The following ALK variants were observed in gnomAD, a reference collection of about 807,000 sequenced individuals.
ALK encodes the protein ALK tyrosine kinase receptor.
A neutral mutation model predicts 163.1 loss-of-function variants in ALK; 74 were observed. The observed-to-expected ratio is 0.45, with a 90% confidence interval of 0.38 to 0.55. ALK has a LOEUF of 0.55. Ranked by LOEUF, ALK falls within the 20% of genes least tolerant of loss-of-function variation. The probability of loss-of-function intolerance (pLI) is 0.00; values close to 1 mark genes in which losing one functional copy is unlikely to be tolerated. For missense variants in ALK, 2,063 were observed against 2,105.3 expected, an observed-to-expected ratio of 0.98 and a Z score of 0.39; for synonymous variants, 960 against 843.2, an observed-to-expected ratio of 1.14 and a Z score of -2.40.
At chr2:29,750,791 G>A (rs950994030) in intron 1 of ALK, among the ~76,000 whole-genome samples, 6 of 152,086 alleles carry the variant, frequency 3.9e-5, no homozygotes, top group Admixed American at 6.5e-5. Flanking sequence ...GAGGCCGGGC[G>A]TGGTGGCTTG....
At chr2:29,660,503 A>T (rs2148261421) in intron 3 of ALK, among the ~76,000 whole-genome samples, 1 of 131,534 alleles carries the variant, frequency 7.6e-6, no homozygotes, top group Non-Finnish European at 1.6e-5. Flanking sequence ...TCCCCAGGCC[A>T]ATGCCTCACA....
At chr2:29,600,907 G>A (rs1027172817) in intron 3 of ALK, among the ~76,000 whole-genome samples, 5 of 152,196 alleles carry the variant, frequency 3.3e-5, no homozygotes, top group African/African-American at 1.2e-4. Context: ...CTGGGGGTTA[G>A]CAGCAAATTT....
At chr2:29,221,897 G>T (rs1172456774) in intron 22 of ALK, among the ~76,000 whole-genome samples, 2 of 152,228 alleles carry the variant, frequency 1.3e-5, no homozygotes, top group Non-Finnish European at 2.9e-5. Flanking sequence ...GGAGCCTCAA[G>T]TCAAAAGGTG....
intron 4 of ALK, among the ~76,000 whole-genome samples, chr2:29,507,679 T>C (rs7602239): frequency 0.82 from 125,354 of 152,116 alleles, 52,061 homozygotes; most frequent in Non-Finnish European, 0.88. Flanking sequence ...GCACCTGGGG[T>C]TTAGGAGGGA....
intron 5 of ALK, among the ~76,000 whole-genome samples, chr2:29,381,120 T>C (rs897467946): frequency 1.3e-5 from 2 of 152,254 alleles, no homozygotes. Context: ...CAACTTGGGA[T>C]CGAGTTTGAC....
chr2:29,479,969 C>T (rs1040787260), intron 4 of ALK, among the ~76,000 whole-genome samples: 2 of 152,188 alleles, frequency 1.3e-5, no homozygotes, highest in Admixed American at 6.5e-5. Context: ...TCCTAAACAG[C>T]CCTTCTCACT....
chr2:29,438,984 C>T (rs1049845964), intron 4 of ALK, among the ~76,000 whole-genome samples: 1 of 152,222 alleles, frequency 6.6e-6, no homozygotes, highest in Non-Finnish European at 1.5e-5. Flanking sequence ...GCCTGTGGGA[C>T]TCCAAGCCAG....
chr2:29,214,478 T>G (rs1267059781), intron 23 of ALK, among the ~76,000 whole-genome samples: 1 of 152,230 alleles, frequency 6.6e-6, no homozygotes, highest in Admixed American at 6.5e-5. Context: ...AACAAGTTTG[T>G]GAGGAAACCA....
intron 24 of ALK, among the ~76,000 whole-genome samples, chr2:29,210,579 T>C (rs921057780): frequency 1.3e-5 from 2 of 152,126 alleles, no homozygotes; most frequent in African/African-American, 2.4e-5. Context: ...GTTACAGGCA[T>C]GCAGCACCAC....
At chr2:29,197,307 T>A (rs1573084086) in intron 27 of ALK, among the ~76,000 whole-genome samples, 4 of 151,598 alleles carry the variant, frequency 2.6e-5, no homozygotes, top group Admixed American at 2.0e-4. Flanking sequence ...GCCTGGTGAG[T>A]CCACAGCCTG....
chr2:29,415,357 CA>C (rs1198362408), intron 4 of ALK, among the ~76,000 whole-genome samples: 1 of 151,996 alleles, frequency 6.6e-6, no homozygotes, highest in Non-Finnish European at 1.5e-5. Context: ...GCTGGGTTGG[CA>C]TTCAAACTCA....
chr2:29,314,943 A>G (rs1412211685), intron 8 of ALK, among the ~76,000 whole-genome samples: 1 of 152,294 alleles, frequency 6.6e-6, no homozygotes, highest in East Asian at 1.9e-4. Flanking sequence ...GGATTCGAGC[A>G]GGTCTGACAG....
At chr2:29,327,835 G>T (rs1333709467) in intron 6 of ALK, among the ~76,000 whole-genome samples, 2 of 152,178 alleles carry the variant, frequency 1.3e-5, no homozygotes, top group African/African-American at 2.4e-5. Flanking sequence ...TGGCCAGGGA[G>T]GCTTTCTGAA....
At chr2:29,807,190 C>A (rs895820029) in intron 1 of ALK, among the ~76,000 whole-genome samples, 1 of 152,238 alleles carries the variant, frequency 6.6e-6, no homozygotes, top group African/African-American at 2.4e-5. Flanking sequence ...CTCTCCCTGA[C>A]AACCTAGAAA....
At chr2:29,726,719 G>T (rs1309077699) in intron 1 of ALK, among the ~76,000 whole-genome samples, 1 of 152,224 alleles carries the variant, frequency 6.6e-6, no homozygotes, top group Non-Finnish European at 1.5e-5. Context: ...CAGCGTGGAA[G>T]AGTGGATTGC....
chr2:29,369,279 TG>T (rs1668584629), intron 5 of ALK, among the ~76,000 whole-genome samples: 1 of 149,124 alleles, frequency 6.7e-6, no homozygotes, highest in Non-Finnish European at 1.5e-5. Context: ...GCCTCCTTGC[TG>T]GTTGTGTGTG....
At chr2:29,275,298 T>G in intron 10 of ALK, 71 bp from the exon 11 acceptor site, 1 of 1,611,702 alleles carries the variant, frequency 6.2e-7, no homozygotes, top group Non-Finnish European at 8.5e-7. Flanking sequence ...GATTTCACAC[T>G]GAGGGAGGTG....
At chr2:29,324,867 G>A (rs1468526026) in intron 6 of ALK, among the ~76,000 whole-genome samples, 1 of 152,198 alleles carries the variant, frequency 6.6e-6, no homozygotes, top group Non-Finnish European at 1.5e-5. Context: ...TTGGAGGAGA[G>A]AGTACAGTGG....
intron 1 of ALK, among the ~76,000 whole-genome samples, chr2:29,754,504 A>T (rs924516775): frequency 1.3e-5 from 2 of 152,120 alleles, no homozygotes; most frequent in African/African-American, 4.8e-5. Context: ...CAGTGTTCCA[A>T]CATAGGGGGA....
Sources: gnomAD v4.1 joint callset for allele counts (sites outside exome capture counted in the v4.1 genomes callset) on GRCh38, gnomAD v4.1.1 for gene constraint, MANE v1.5 for transcripts, NCBI Gene and HGNC (gene_info 2026-07-23, HGNC 2026-07-21) for gene names.